Variants in GRID2 observed in about 807,000 individuals in gnomAD.
GRID2 encodes the protein glutamate ionotropic receptor delta type subunit 2.
A neutral mutation model predicts 114.8 loss-of-function variants in GRID2; 33 were observed. The ratio of observed to expected loss-of-function variants is 0.29; its 90% CI spans 0.22 to 0.38. The LOEUF (loss-of-function observed/expected upper bound fraction) is 0.38, where lower values mean the gene tolerates loss of function less well. GRID2 is among the 10% of genes least tolerant of loss of function. GRID2 has a pLI of 1.00. For missense variants in GRID2, 1,184 were observed against 1,257.7 expected (o/e 0.94, Z 0.89); for synonymous variants, 505 against 449.9 (o/e 1.12, Z -1.55).
At chr4:93,611,391 T>C (rs1277277949) in intron 13 of GRID2, among the ~76,000 whole-genome samples, 3 of 92,046 alleles carry the variant, frequency 3.3e-5, no homozygotes. Flanking sequence ...TTTCTAGTTC[T>C]TTTAATTGTG....
intron 2 of GRID2, among the ~76,000 whole-genome samples, chr4:92,671,312 C>T (rs1733059874): frequency 6.6e-6 from 1 of 152,034 alleles, no homozygotes; most frequent in South Asian, 2.1e-4. Flanking sequence ...CACCTCCCAC[C>T]AAGCCCCACC....
chr4:92,902,717 A>T (rs1377904411), intron 2 of GRID2, among the ~76,000 whole-genome samples: 1 of 152,072 alleles, frequency 6.6e-6, no homozygotes, highest in African/African-American at 2.4e-5. Context: ...ATGGCAGTCC[A>T]ATATTCCCAG....
At chr4:93,267,708 C>T (rs1471902960) in intron 8 of GRID2, among the ~76,000 whole-genome samples, 1 of 152,180 alleles carries the variant, frequency 6.6e-6, no homozygotes, top group East Asian at 1.9e-4. Flanking sequence ...AACTTGAGGG[C>T]CCATGCTGGA....
At chr4:92,304,775 CT>C in intron 1 of GRID2, 31 bp downstream of exon 1, 1 of 1,467,082 alleles carries the variant, frequency 6.8e-7, no homozygotes, top group Non-Finnish European at 9.6e-7. Context: ...CTCGTGGTTA[CT>C]TTTACCGTTT....
At chr4:93,325,629 C>T (rs556511775) in intron 8 of GRID2, among the ~76,000 whole-genome samples, 1 of 151,754 alleles carries the variant, frequency 6.6e-6, no homozygotes, top group African/African-American at 2.4e-5. Flanking sequence ...AGAAGTTCTC[C>T]CTCTTATTCA....
At chr4:92,848,938 A>G (rs983633471) in intron 2 of GRID2, among the ~76,000 whole-genome samples, 5 of 151,902 alleles carry the variant, frequency 3.3e-5, no homozygotes, top group Non-Finnish European at 7.4e-5. Flanking sequence ...AGAAGTAACT[A>G]AACTCCTGAC....
intron 11 of GRID2, among the ~76,000 whole-genome samples, chr4:93,457,385 A>C (rs765160736): frequency 6.6e-6 from 1 of 152,076 alleles, no homozygotes; most frequent in Non-Finnish European, 1.5e-5. Flanking sequence ...AAATTAAGAT[A>C]GTCCAAGCAG....
At chr4:92,563,567 T>A (rs921354) in intron 1 of GRID2, among the ~76,000 whole-genome samples, 61,861 of 151,898 alleles carry the variant, frequency 0.41, 12,749 homozygotes, top group African/African-American at 0.49. Context: ...ATACAATTCT[T>A]CCAGAAACAC....
At chr4:93,768,232 TA>T (rs1379581656) in intron 14 of GRID2, among the ~76,000 whole-genome samples, 1 of 152,192 alleles carries the variant, frequency 6.6e-6, no homozygotes, top group East Asian at 1.9e-4. Flanking sequence ...GGAAGAGCAC[TA>T]AGCTGTTTGG....
intron 8 of GRID2, among the ~76,000 whole-genome samples, chr4:93,262,485 G>A (rs1375799855): frequency 6.6e-6 from 1 of 151,864 alleles, no homozygotes; most frequent in Non-Finnish European, 1.5e-5. Flanking sequence ...CATAAAATAT[G>A]AATTGGATAT....
intron 2 of GRID2, among the ~76,000 whole-genome samples, chr4:92,856,554 T>C (rs1330686773): frequency 6.6e-6 from 1 of 152,174 alleles, no homozygotes; most frequent in Non-Finnish European, 1.5e-5. Context: ...AAAATCATTA[T>C]TGATAATCAG....
intron 8 of GRID2, among the ~76,000 whole-genome samples, chr4:93,294,296 T>C: frequency 6.6e-6 from 1 of 150,692 alleles, no homozygotes; most frequent in East Asian, 1.9e-4. Flanking sequence ...GTGATCCATA[T>C]CAGGCTAGTC....
intron 14 of GRID2, among the ~76,000 whole-genome samples, chr4:93,653,743 A>G (rs1722780167): frequency 6.6e-6 from 1 of 152,084 alleles, no homozygotes; most frequent in South Asian, 2.1e-4. Context: ...ACCTACTTTT[A>G]GTGCATGAAA....
chr4:92,770,447 A>G (rs1738486005), intron 2 of GRID2, among the ~76,000 whole-genome samples: 1 of 152,148 alleles, frequency 6.6e-6, no homozygotes, highest in African/African-American at 2.4e-5. Flanking sequence ...ACTTTTGGGT[A>G]TCTTTTCAGC....
At chr4:93,517,887 C>CAT (rs769343019) in intron 13 of GRID2, among the ~76,000 whole-genome samples, 118 of 146,334 alleles carry the variant, frequency 8.1e-4, no homozygotes, top group East Asian at 3.7e-3. Context: ...GGCAAGAATC[C>CAT]ATATATATAT....
intron 2 of GRID2, among the ~76,000 whole-genome samples, chr4:92,703,150 GA>G (rs1161123567): frequency 6.6e-6 from 1 of 152,114 alleles, no homozygotes; most frequent in African/African-American, 2.4e-5. Context: ...TTTTATATAT[GA>G]AAGTTCAATG....
At chr4:92,797,509 G>T (rs1328564906) in intron 2 of GRID2, among the ~76,000 whole-genome samples, 1 of 151,692 alleles carries the variant, frequency 6.6e-6, no homozygotes. Context: ...CTAAATGTAT[G>T]CACATGTTTT....
Position 92,934,824 on chromosome 4 carries a change from T to G in GRID2, c.245-150171T>G. Among the ~76,000 whole-genome samples, 2 of 147,082 alleles carry G rather than the reference T, an allele frequency of 1.4e-5. 1 individual carries two copies. The highest frequency in any genetic ancestry group is 3.0e-5 in the Non-Finnish European group (2 of 66,438). On this transcript the variant is annotated intron_variant, in intron 2 of 15. Transcript: ENST00000282020. ...ATTTAATAAATGGTGCTGGGAAAACTGACTAGCCATATGTAGAAAGCTGAA... is the reference window on the plus strand; with the variant it reads ...ATTTAATAAATGGTGCTGGGAAAACGGACTAGCCATATGTAGAAAGCTGAA...
intron 1 of GRID2, among the ~76,000 whole-genome samples, chr4:92,485,743 G>A (rs1722856258): frequency 6.6e-6 from 1 of 151,806 alleles, no homozygotes; most frequent in Admixed American, 6.6e-5. Flanking sequence ...AAAAATATCT[G>A]TAATAAAAAT....
Sources: allele counts gnomAD v4.1 joint callset (sites outside exome capture counted in the v4.1 genomes callset), GRCh38; gene constraint gnomAD v4.1.1; transcripts MANE v1.5; gene names NCBI Gene and HGNC (gene_info 2026-07-23, HGNC 2026-07-21).